The following AGO2 variants were observed in gnomAD, a reference collection of about 807,000 sequenced individuals.
The protein encoded by AGO2 is argonaute RISC catalytic component 2.
A neutral mutation model predicts 102.3 loss-of-function variants in AGO2; 5 were observed. The ratio of observed to expected loss-of-function variants is 0.05; its 90% CI spans 0.03 to 0.10. AGO2 has a LOEUF of 0.10. Among genes scored for constraint, AGO2 ranks in the 10% least tolerant of loss-of-function variants. The probability of loss-of-function intolerance (pLI) is 1.00; values close to 1 mark genes in which losing one functional copy is unlikely to be tolerated. For synonymous variants in AGO2, 449 were observed against 473.1 expected, an observed-to-expected ratio of 0.95 and a Z score of 0.66; for missense variants, 541 against 1,183.7, an observed-to-expected ratio of 0.46 and a Z score of 7.97.
chr8:140,625,454 C>T (rs1441794178), intron 1 of AGO2, among the ~76,000 whole-genome samples: 1 of 152,170 alleles, frequency 6.6e-6, no homozygotes, highest in Non-Finnish European at 1.5e-5. Flanking sequence ...AGGCAACTCG[C>T]CCCTCCCCAG....
At chr8:140,639,746 C>G (rs1016474415), upstream of AGO2, among the ~76,000 whole-genome samples, 6 of 152,220 alleles carry the variant, frequency 3.9e-5, no homozygotes, top group Non-Finnish European at 7.3e-5. Context: ...GCATTCCAGC[C>G]TGGGTGACAG....
rs751166359 is a variant in AGO2, at chr8:140,572,570, G to T, written c.336+242C>A. On this transcript the variant is annotated intron_variant, in intron 3 of 18. Coordinates refer to ENST00000220592, the MANE Select transcript of AGO2 (RefSeq NM_012154.5). ...GTGTACTTTGTACTTAAAGTTTGGT[G>T]GTTTCAGCAAGTTCTCGATATCCGT... The T allele has an allele frequency of 1.1e-5, 5 of 437,878 alleles. No homozygotes were observed. In the Admixed American group the frequency reaches 1.3e-4, roughly 11 times the overall value. The allele number at this position is 437,878 out of a possible 1,614,324, so 27.1% of individuals were successfully genotyped here.
intron 1 of AGO2, among the ~76,000 whole-genome samples, chr8:140,615,507 G>T (rs578254738): frequency 6.6e-6 from 1 of 152,246 alleles, no homozygotes; most frequent in Non-Finnish European, 1.5e-5. Flanking sequence ...AGGGTGGCAG[G>T]CTCGTGAGTT....
intron 1 of AGO2, among the ~76,000 whole-genome samples, chr8:140,625,260 C>T (rs1316851340): frequency 2.0e-5 from 3 of 152,208 alleles, no homozygotes; most frequent in East Asian, 3.8e-4. Context: ...CGCCTGCCAC[C>T]ATGCCCGGCT....
At chr8:140,590,027 A>G (rs752017322) in intron 1 of AGO2, among the ~76,000 whole-genome samples, 29 of 152,224 alleles carry the variant, frequency 1.9e-4, no homozygotes, top group Non-Finnish European at 3.5e-4. Context: ...CTGGGAATGC[A>G]GTCGGAACAT....
chr8:140,542,817 G>A (rs1392759919), intron 14 of AGO2, among the ~76,000 whole-genome samples: 1 of 152,204 alleles, frequency 6.6e-6, no homozygotes, highest in Non-Finnish European at 1.5e-5. Context: ...GCCATGCGGT[G>A]CTTCCCCATC....
intron 16 of AGO2, among the ~76,000 whole-genome samples, chr8:140,538,528 C>G (rs927567895): frequency 2.6e-5 from 4 of 152,246 alleles, no homozygotes; most frequent in African/African-American, 9.6e-5. Flanking sequence ...CTATCTACAA[C>G]TCCTGCTCCT....
rs10089654 is a variant in AGO2, at chr8:140,580,563, G to A, written c.215+4556C>T. ...TTTCCACTCGGAGCTCCCCTCCAGC[G>A]GCGCTGACCATGAGCACCATCCACC... On this transcript the variant is annotated intron_variant, in intron 2 of 18. Transcript: ENST00000220592. Among the ~76,000 whole-genome samples, 762 of 152,208 alleles carry A rather than the reference G, an allele frequency of 5.0e-3. 9 individuals carry two copies. The highest frequency in any genetic ancestry group is 0.017 in the African/African-American group (716 of 41,530).
Position 140,567,052 on chromosome 8 carries a change from G to A in AGO2, c.337-4418C>T, listed in dbSNP as rs543443459. 3.3e-5 allele frequency among the ~76,000 whole-genome samples: 5 copies of A among 152,344 alleles called. No individual in the cohort carries two copies. The highest frequency in any genetic ancestry group is 2.1e-4 in the South Asian group (1 of 4,830). On this transcript the variant is annotated intron_variant, in intron 3 of 18. Coordinates refer to ENST00000220592, the MANE Select transcript of AGO2 (RefSeq NM_012154.5). The surrounding 1 kb of genome is among the most constrained non-coding windows in gnomAD (Gnocchi z 5.0). Reference sequence around the variant, plus strand: ...ACAGTGCTGTGCCCTGGCACGGATCGGATGCCTGTCAATGCCACCTTTCAA... The same window carrying A: ...ACAGTGCTGTGCCCTGGCACGGATCAGATGCCTGTCAATGCCACCTTTCAA...
At chr8:140,545,583 C>G (rs1410832403) in intron 13 of AGO2, among the ~76,000 whole-genome samples, 1 of 152,196 alleles carries the variant, frequency 6.6e-6, no homozygotes, top group African/African-American at 2.4e-5. Context: ...CTCAAATGAC[C>G]TGCAGACGCT....
chr8:140,541,588 G>A, intron 14 of AGO2: 1 of 470,960 alleles, frequency 2.1e-6, no homozygotes, highest in Non-Finnish European at 3.7e-6. Flanking sequence ...AAGTTACATA[G>A]TTTAAACAAA....
intron 3 of AGO2, among the ~76,000 whole-genome samples, chr8:140,569,441 G>C (rs2073343553): frequency 6.6e-6 from 1 of 152,180 alleles, no homozygotes. Flanking sequence ...ATCCCTTCCA[G>C]GCCAAAGCCA....
chr8:140,558,179 C>T (rs1399541234), intron 7 of AGO2, among the ~76,000 whole-genome samples: 2 of 152,178 alleles, frequency 1.3e-5, no homozygotes, highest in East Asian at 3.9e-4. Context: ...CCCGCCACCT[C>T]CAGCACTAAG....
chr8:140,639,659 G>T (rs1269207980), upstream of AGO2, among the ~76,000 whole-genome samples: 2 of 152,138 alleles, frequency 1.3e-5, no homozygotes, highest in East Asian at 3.8e-4. Context: ...TGTAGTCCCA[G>T]CTACTCAGGA....
At chr8:140,588,597 A>T (rs2073697848) in intron 1 of AGO2, among the ~76,000 whole-genome samples, 1 of 118,640 alleles carries the variant, frequency 8.4e-6, no homozygotes, top group Non-Finnish European at 1.7e-5. Flanking sequence ...GGAGGCAGGG[A>T]GAGAGGGAGG....
At chr8:140,587,402 G>A (rs1485591958) in intron 1 of AGO2, among the ~76,000 whole-genome samples, 1 of 152,246 alleles carries the variant, frequency 6.6e-6, no homozygotes, top group Non-Finnish European at 1.5e-5. Context: ...GAGGGGCCAG[G>A]GAAGGTCCAC....
chr8:140,521,163 C>T lies in AGO2; in HGVS notation c.*10881G>A, dbSNP rs937461734. 6 of 152,174 alleles carry T rather than the reference C, an allele frequency of 3.9e-5. No individual in the cohort carries two copies. The highest frequency in any genetic ancestry group is 1.4e-4 in the African/African-American group (6 of 41,434). The allele number at this position is 152,174 out of a possible 1,614,324, so 9.4% of individuals were successfully genotyped here. A position where few individuals can be genotyped will look rare whatever the true frequency, so the allele number is the denominator to read the frequency against. ...CAAAGTCCTCTCGTTAGGTTAAAAACACAATGCGTCCTGGGGAGCCAATTG... is the reference window on the plus strand; with the variant it reads ...CAAAGTCCTCTCGTTAGGTTAAAAATACAATGCGTCCTGGGGAGCCAATTG... On this transcript the variant is annotated 3_prime_UTR_variant, in exon 19 of 19. Transcript: ENST00000220592.
At chr8:140,607,162 T>A (rs1369603575) in intron 1 of AGO2, among the ~76,000 whole-genome samples, 2 of 151,286 alleles carry the variant, frequency 1.3e-5, no homozygotes, top group South Asian at 4.2e-4. Context: ...GGCAGGAGAA[T>A]CGCTTGAAGC....
In AGO2 at chr8:140,550,528, G is replaced by C. The variant is rs547704176; in HGVS notation, c.1403+775C>G. Among the ~76,000 whole-genome samples, 17 of 152,326 alleles carry C rather than the reference G, an allele frequency of 1.1e-4. No homozygotes were observed. In the South Asian group the frequency reaches 3.5e-3, roughly 32 times the overall value. ...TCACCTGGGCAGGTGGCAGAGACCT[G>C]AACCAACACTTCTCTCCTCTTAATC... On this transcript the variant is annotated intron_variant, in intron 11 of 18. Transcript: ENST00000220592.
Sources: gnomAD v4.1 joint callset for allele counts (sites outside exome capture counted in the v4.1 genomes callset) on GRCh38, gnomAD v4.1.1 for gene constraint, Gnocchi (gnomAD v3.1) non-coding constraint, MANE v1.5 for transcripts, NCBI Gene and HGNC (gene_info 2026-07-23, HGNC 2026-07-21) for gene names.